NELL2: variants seen among roughly 807,000 people sequenced by gnomAD.
The protein encoded by NELL2 is protein kinase C-binding protein NELL2.
A neutral mutation model predicts 109.6 loss-of-function variants in NELL2; 41 were observed. That is an observed-to-expected ratio of 0.37 (90% CI 0.29 to 0.49). NELL2 has a LOEUF of 0.49. NELL2 is among the 20% of genes least tolerant of loss of function. The pLI, the probability that NELL2 is intolerant of heterozygous loss-of-function variation, is 0.98. For synonymous variants in NELL2, 355 were observed against 344.7 expected, an observed-to-expected ratio of 1.03 and a Z score of -0.33; for missense variants, 900 against 1,008.3, an observed-to-expected ratio of 0.89 and a Z score of 1.45.
At chr12:44,656,383 G>A (rs1947500783) in intron 13 of NELL2, among the ~76,000 whole-genome samples, 1 of 152,120 alleles carries the variant, frequency 6.6e-6, no homozygotes, top group Non-Finnish European at 1.5e-5. Flanking sequence ...AACACATTGA[G>A]TCCATTGCTC....
chr12:44,791,362 G>GT (rs956129099), intron 3 of NELL2, among the ~76,000 whole-genome samples: 3 of 150,032 alleles, frequency 2.0e-5, no homozygotes, highest in African/African-American at 7.4e-5. Context: ...TCACTGATAT[G>GT]TGGGAGATAA....
rs567381339 is a variant in NELL2, at chr12:44,544,102, A to C, written c.1664-11381T>G. ...TCTTTACATTTCATAGGGAGGAATA[A>C]AAAAAAACCATTGTAGTTGATACGA... On this transcript the variant is annotated intron_variant, in intron 15 of 19. Transcript: ENST00000429094. 6.1e-4 allele frequency among the ~76,000 whole-genome samples: 93 copies of C among 152,178 alleles called. 3 individuals are homozygous for C. In the South Asian group the frequency reaches 0.019, roughly 31 times the overall value.
In NELL2 at chr12:44,511,349, T is replaced by G. The variant is rs557567322; in HGVS notation, c.2401-2365A>C. Among the ~76,000 whole-genome samples the G allele has an allele frequency of 3.2e-4, 49 of 152,236 alleles. 2 individuals are homozygous for G. In the South Asian group the frequency reaches 9.7e-3, roughly 30 times the overall value. On this transcript the variant is annotated intron_variant, in intron 19 of 19. Transcript: ENST00000429094. ...CTGAACAAAATACAAAAATAACAAT[T>G]GAAAGCAATAGAGAGTGTCAGGCAG...
intron 9 of NELL2, among the ~76,000 whole-genome samples, chr12:44,746,747 A>G (rs1002413281): frequency 2.7e-4 from 41 of 152,226 alleles, no homozygotes; most frequent in Non-Finnish European, 4.7e-4. Context: ...AACCACAATG[A>G]GATACCATCT....
intron 12 of NELL2, among the ~76,000 whole-genome samples, chr12:44,694,177 C>T (rs148909146): frequency 6.6e-6 from 1 of 152,102 alleles, no homozygotes; most frequent in South Asian, 2.1e-4. Flanking sequence ...ACATTTGAAT[C>T]TGTAGACTGA....
At chr12:44,664,767 T>C (rs1426336958) in intron 13 of NELL2, among the ~76,000 whole-genome samples, 2 of 152,168 alleles carry the variant, frequency 1.3e-5, no homozygotes, top group Non-Finnish European at 1.5e-5. Context: ...TGAAAAGAAA[T>C]GTTCTGTTTC....
At chr12:44,648,262 G>C (rs188802017) in intron 13 of NELL2, among the ~76,000 whole-genome samples, 1 of 152,306 alleles carries the variant, frequency 6.6e-6, no homozygotes, top group East Asian at 1.9e-4. Flanking sequence ...ATCCTCAAAT[G>C]ATCATGAGTC....
chr12:44,847,634 G>A (rs1371014325), intron 2 of NELL2, among the ~76,000 whole-genome samples: 1 of 150,432 alleles, frequency 6.6e-6, no homozygotes, highest in Non-Finnish European at 1.5e-5. Context: ...GAAGCGAGAA[G>A]TTAAAAAAAA....
At chr12:44,591,984 T>C (rs1040143145) in intron 15 of NELL2, among the ~76,000 whole-genome samples, 3 of 151,758 alleles carry the variant, frequency 2.0e-5, no homozygotes, top group African/African-American at 7.3e-5. Flanking sequence ...AACATGGGAG[T>C]TGAGAGCAAG....
intron 15 of NELL2, among the ~76,000 whole-genome samples, chr12:44,545,450 G>A (rs1210852569): frequency 1.3e-5 from 2 of 152,032 alleles, no homozygotes; most frequent in Non-Finnish European, 2.9e-5. Flanking sequence ...GCTAGACACT[G>A]TGGAAATATA....
intron 13 of NELL2, among the ~76,000 whole-genome samples, chr12:44,627,111 A>G (rs1167167271): frequency 6.6e-6 from 1 of 152,164 alleles, no homozygotes; most frequent in Non-Finnish European, 1.5e-5. Context: ...TACCTGCTGT[A>G]ATTACTGCTG....
chr12:44,552,836 GGCC>G (rs1163936874), intron 15 of NELL2, among the ~76,000 whole-genome samples: 3 of 152,040 alleles, frequency 2.0e-5, no homozygotes, highest in African/African-American at 7.2e-5. Flanking sequence ...TTTTTCCATA[GGCC>G]AAGGATCCCA....
intron 3 of NELL2, among the ~76,000 whole-genome samples, chr12:44,806,011 A>G (rs563382724): frequency 6.6e-6 from 1 of 151,930 alleles, no homozygotes; most frequent in East Asian, 1.9e-4. Context: ...TTTTTTATAT[A>G]TAGGAAAAAA....
intron 2 of NELL2, among the ~76,000 whole-genome samples, chr12:44,817,181 A>C (rs10736022): frequency 0.99 from 150,418 of 152,274 alleles, 74,332 homozygotes; most frequent in South Asian, 1. Context: ...CACCCAATGC[A>C]CAGGCTTTGC....
chr12:44,818,010 C>T (rs1943409680), intron 2 of NELL2, among the ~76,000 whole-genome samples: 1 of 152,154 alleles, frequency 6.6e-6, no homozygotes, highest in South Asian at 2.1e-4. Flanking sequence ...AAAAAAGAAA[C>T]TCTCCTGTTG....
At chr12:44,718,333 A>G in intron 9 of NELL2, among the ~76,000 whole-genome samples, 1 of 152,220 alleles carries the variant, frequency 6.6e-6, no homozygotes, top group East Asian at 1.9e-4. Flanking sequence ...TCTCTAACTG[A>G]AAAGTATCTG....
At chr12:44,638,778 C>T (rs1325184649) in intron 13 of NELL2, among the ~76,000 whole-genome samples, 1 of 152,190 alleles carries the variant, frequency 6.6e-6, no homozygotes, top group East Asian at 1.9e-4. Flanking sequence ...CTTTGTCTTG[C>T]AGACACTATG....
chr12:44,754,288 T>C (rs2136533732), intron 9 of NELL2, among the ~76,000 whole-genome samples: 1 of 152,288 alleles, frequency 6.6e-6, no homozygotes, highest in South Asian at 2.1e-4. Context: ...AGAATTACAA[T>C]GATGTATAGT....
chr12:44,914,691 G>C (rs551572560), upstream of NELL2, among the ~76,000 whole-genome samples: 13 of 152,104 alleles, frequency 8.5e-5, no homozygotes, highest in African/African-American at 3.1e-4. Flanking sequence ...GTAGCTGCTC[G>C]GTAAATATTT....
Sources: gnomAD v4.1 joint callset for allele counts (sites outside exome capture counted in the v4.1 genomes callset) on GRCh38, gnomAD v4.1.1 for gene constraint, MANE v1.5 for transcripts, NCBI Gene and HGNC (gene_info 2026-07-23, HGNC 2026-07-21) for gene names.